The following CNOT6L variants were observed in gnomAD, a reference collection of about 807,000 sequenced individuals.
CNOT6L encodes the protein CCR4-NOT transcription complex subunit 6 like.
In CNOT6L, 7 loss-of-function variants were observed where a neutral mutation model predicts 64.0. That is an observed-to-expected ratio of 0.11 (90% CI 0.06 to 0.21). CNOT6L has a LOEUF of 0.21. CNOT6L is among the 10% of genes least tolerant of loss of function. The pLI, the probability that CNOT6L is intolerant of heterozygous loss-of-function variation, is 1.00. For missense variants in CNOT6L, 245 were observed against 669.0 expected, an observed-to-expected ratio of 0.37 and a Z score of 6.99; for synonymous variants, 193 against 243.4, an observed-to-expected ratio of 0.79 and a Z score of 1.93.
In CNOT6L at chr4:77,752,267, T is replaced by C. The variant is rs1724939667; in HGVS notation, c.491-3883A>G. Among the ~76,000 whole-genome samples the C allele has an allele frequency of 2.0e-5, 3 of 152,264 alleles. No homozygotes were observed. The South Asian group carries it at 6.2e-4, about 32-fold the overall frequency. ...CACATGAAAATACACCCTAAGTATA[T>C]GTAATTGAAAAGCTGAAATAACTAC... On this transcript the variant is annotated intron_variant, in intron 5 of 11. Transcript: ENST00000504123.
At chr4:77,785,867 T>C (rs1729376268) in intron 1 of CNOT6L, among the ~76,000 whole-genome samples, 1 of 152,100 alleles carries the variant, frequency 6.6e-6, no homozygotes, top group South Asian at 2.1e-4. Context: ...CATGAAGAGG[T>C]GACACTAAGC....
intron 4 of CNOT6L, among the ~76,000 whole-genome samples, chr4:77,765,188 G>A (rs1726683613): frequency 6.6e-6 from 1 of 152,124 alleles, no homozygotes; most frequent in African/African-American, 2.4e-5. Context: ...CAAAGGCCAT[G>A]GCAATGTCAG....
In CNOT6L at chr4:77,718,784, T is replaced by C. The variant is rs1721007025; in HGVS notation, c.*1647A>G. The C allele has an allele frequency of 6.6e-6, 1 of 152,576 alleles. No homozygotes were observed. The highest frequency in any genetic ancestry group is 1.5e-5 in the Non-Finnish European group (1 of 68,020). 9.5% of individuals were successfully genotyped at this position (152,576 alleles called of 1,614,324 possible). A position where few individuals can be genotyped will look rare whatever the true frequency, so the allele number is the denominator to read the frequency against. The stretch of plus-strand genomic sequence containing the variant: ...TAAAATGACCAAAGTAAATGCATCA[T>C]TTAAGACTAATAAAACAGCCGAAGA... On this transcript the variant is annotated 3_prime_UTR_variant, in exon 12 of 12. Transcript: ENST00000504123.
intron 8 of CNOT6L, among the ~76,000 whole-genome samples, chr4:77,741,389 T>C (rs1723574645): frequency 6.6e-6 from 1 of 152,202 alleles, no homozygotes; most frequent in African/African-American, 2.4e-5. Flanking sequence ...TAAGCATGTA[T>C]ATGCTTATCC....
At position 77,737,912 on chromosome 4, in the gene CNOT6L, C is replaced by A. The variant is rs1240023193; in HGVS notation, c.872+4229G>T. ...TCAAAATCTCATTTTCAAAAAAAATCCTACGTACAAATTCTAAATGCAACA... is the reference window on the plus strand; with the variant it reads ...TCAAAATCTCATTTTCAAAAAAAATACTACGTACAAATTCTAAATGCAACA... On this transcript the variant is annotated intron_variant, in intron 8 of 11. Coordinates refer to ENST00000504123, the MANE Select transcript of CNOT6L (RefSeq NM_144571.3). 1.3e-5 allele frequency among the ~76,000 whole-genome samples: 2 copies of A among 152,016 alleles called. 1 individual carries two copies. Among genetic ancestry groups the A allele is most frequent in the Admixed American group, 1.3e-4 (2 of 15,262 alleles).
rs1171141569 is a variant in CNOT6L at position 77,773,112 on chromosome 4, C to A, written c.369G>T (p.Arg123=). The A allele has an allele frequency of 1.2e-6, 2 of 1,603,428 alleles. No homozygotes were observed. The highest frequency in any genetic ancestry group is 8.5e-7 in the Non-Finnish European group (1 of 1,176,718). The change falls in exon 4 of 12, where the codon CGG becomes CGT. Residue 123 remains arginine, a synonymous_variant. Coordinates refer to ENST00000504123, the MANE Select transcript of CNOT6L (RefSeq NM_144571.3). The stretch of plus-strand genomic sequence containing the variant: ...AACCTAGAGTTTGTAGCTGGAAGAG[C>A]CGACCAAGTTCATAAGGCAAAACCC... ...LLRVLPYELG[R]LFQLQTLGLK...
intron 8 of CNOT6L, among the ~76,000 whole-genome samples, chr4:77,740,058 G>C (rs937323241): frequency 1.3e-5 from 2 of 151,920 alleles, no homozygotes; most frequent in Non-Finnish European, 2.9e-5. Context: ...GTTTCAAGGG[G>C]ATTTGTGTAT....
intron 1 of CNOT6L, among the ~76,000 whole-genome samples, chr4:77,780,623 G>A (rs1449658275): frequency 4.6e-5 from 7 of 152,068 alleles, no homozygotes; most frequent in Non-Finnish European, 1.0e-4. Flanking sequence ...GTAACCATCA[G>A]TCCTAGATAA....
intron 10 of CNOT6L, 77 bp from the exon 11 acceptor site, chr4:77,726,446 A>G (rs1721855329): frequency 1.8e-6 from 2 of 1,138,916 alleles, no homozygotes. Flanking sequence ...ACTTGTTACC[A>G]GGTTAATCCA....
At chr4:77,793,814 T>C (rs2110117079) in intron 1 of CNOT6L, among the ~76,000 whole-genome samples, 1 of 152,242 alleles carries the variant, frequency 6.6e-6, no homozygotes, top group East Asian at 1.9e-4. Flanking sequence ...TTTACTAAAA[T>C]GTCTCCCATG....
At chr4:77,746,507 C>T (rs957690284) in intron 6 of CNOT6L, among the ~76,000 whole-genome samples, 4 of 152,086 alleles carry the variant, frequency 2.6e-5, no homozygotes, top group Non-Finnish European at 5.9e-5. Context: ...CAGAGAAGCA[C>T]CATACCTCAC....
chr4:77,799,704 CAAAAAAAAAAA>C (rs71214370), intron 1 of CNOT6L, among the ~76,000 whole-genome samples: 1 of 90,934 alleles, frequency 1.1e-5, no homozygotes, highest in Admixed American at 1.3e-4. Flanking sequence ...AACTCCATCT[CAAAAAAAAAAA>C]AAAAAAAAGG....
At chr4:77,742,499 G>A (rs1201442626) in intron 7 of CNOT6L, 1 of 629,874 alleles carries the variant, frequency 1.6e-6, no homozygotes, top group Non-Finnish European at 2.9e-6. Context: ...AAGGTGACAT[G>A]ATTTTCTCAT....
At chr4:77,798,522 CATT>C (rs1731136347) in intron 1 of CNOT6L, among the ~76,000 whole-genome samples, 1 of 152,044 alleles carries the variant, frequency 6.6e-6, no homozygotes, top group Non-Finnish European at 1.5e-5. Context: ...ATGCTTTAGT[CATT>C]AGAGAAGTGA....
At chr4:77,807,852 C>A (rs1290090754) in intron 1 of CNOT6L, among the ~76,000 whole-genome samples, 1 of 152,186 alleles carries the variant, frequency 6.6e-6, no homozygotes, top group Non-Finnish European at 1.5e-5. Context: ...ACTTGACCTT[C>A]ATCAAATCTG....
chr4:77,788,787 T>C (rs1729755552), intron 1 of CNOT6L, among the ~76,000 whole-genome samples: 2 of 151,452 alleles, frequency 1.3e-5, no homozygotes, highest in Non-Finnish European at 2.9e-5. Flanking sequence ...TGCAAATGTG[T>C]AATACATATA....
intron 4 of CNOT6L, among the ~76,000 whole-genome samples, chr4:77,771,077 TGA>T (rs1265700192): frequency 3.9e-5 from 6 of 152,202 alleles, no homozygotes; most frequent in African/African-American, 1.2e-4. Context: ...CCCAGCACTT[TGA>T]GAGGCTGAGG....
At chr4:77,815,249 T>A (rs1054191019) in intron 1 of CNOT6L, among the ~76,000 whole-genome samples, 1 of 152,100 alleles carries the variant, frequency 6.6e-6, no homozygotes, top group African/African-American at 2.4e-5. Flanking sequence ...CAAAGAGAAA[T>A]AACTCAAACT....
chr4:77,792,510 G>A (rs1730281168), intron 1 of CNOT6L, among the ~76,000 whole-genome samples: 3 of 152,088 alleles, frequency 2.0e-5, no homozygotes, highest in Admixed American at 1.3e-4. Flanking sequence ...CAGATGACCT[G>A]AGGTCAGGAG....
Sources: gnomAD v4.1 joint callset for allele counts (sites outside exome capture counted in the v4.1 genomes callset) on GRCh38, gnomAD v4.1.1 for gene constraint, MANE v1.5 for transcripts, NCBI Gene and HGNC (gene_info 2026-07-23, HGNC 2026-07-21) for gene names.